Variants in TANC1 observed in about 807,000 individuals in gnomAD.
The protein encoded by TANC1 is tetratricopeptide repeat, ankyrin repeat and coiled-coil containing 1, also known as protein TANC1.
Under a neutral mutation model 149.7 loss-of-function variants are expected in TANC1, and 77 were observed. That is an observed-to-expected ratio of 0.51 (90% CI 0.43 to 0.62). TANC1 has a LOEUF of 0.62. Ranked by LOEUF, TANC1 falls within the 20% of genes least tolerant of loss-of-function variation. The pLI is 0.00. For missense variants in TANC1, 1,985 were observed against 2,321.8 expected (o/e 0.85, Z 2.98); for synonymous variants, 854 against 925.0 (o/e 0.92, Z 1.39).
At position 159,225,003 on chromosome 2, in the gene TANC1, C is replaced by T. The variant is rs749861093; in HGVS notation, c.3811+639C>T. 1.2e-3 allele frequency: 190 copies of T among 157,656 alleles called. 1 individual carries two copies. The highest frequency in any genetic ancestry group is 3.4e-4 in the Non-Finnish European group (24 of 71,234). The allele number at this position is 157,656 out of a possible 1,614,324, so 9.8% of individuals were successfully genotyped here. ...AATGCTATTCACTAATACTGTCAAGCAGTGAATAGTGCCAGGAACTATCCA... is the reference window on the plus strand; with the variant it reads ...AATGCTATTCACTAATACTGTCAAGTAGTGAATAGTGCCAGGAACTATCCA... On this transcript the variant is annotated intron_variant, in intron 23 of 26. Coordinates refer to ENST00000263635, the MANE Select transcript of TANC1 (RefSeq NM_033394.3).
intron 3 of TANC1, among the ~76,000 whole-genome samples, chr2:159,089,673 G>A (rs1036581834): frequency 2.6e-5 from 4 of 152,194 alleles, no homozygotes; most frequent in South Asian, 4.1e-4. Context: ...CAACAGCAGA[G>A]ATGACCAGGA....
chr2:159,134,522 G>C (rs185921384), intron 4 of TANC1, among the ~76,000 whole-genome samples: 1 of 152,004 alleles, frequency 6.6e-6, no homozygotes. Context: ...TTGCTCTGTC[G>C]CCCAGGCTAG....
chr2:159,189,381 G>A (rs2057271739), intron 16 of TANC1, among the ~76,000 whole-genome samples: 1 of 152,198 alleles, frequency 6.6e-6, no homozygotes, highest in South Asian at 2.1e-4. Context: ...GGCATGCAGG[G>A]TGATGTGGAC....
chr2:159,135,473 C>G (rs773268597), intron 4 of TANC1, among the ~76,000 whole-genome samples: 2 of 152,244 alleles, frequency 1.3e-5, no homozygotes, highest in Non-Finnish European at 2.9e-5. Context: ...GAACGACTGC[C>G]AAACTGTTTT....
chr2:159,138,993 T>TG (rs2051073448), intron 5 of TANC1, among the ~76,000 whole-genome samples: 1 of 152,246 alleles, frequency 6.6e-6, no homozygotes, highest in Non-Finnish European at 1.5e-5. Flanking sequence ...TTATGTGTGA[T>TG]GCACGTTTTA....
At chr2:159,082,487 G>T (rs1345068064) in intron 3 of TANC1, among the ~76,000 whole-genome samples, 1 of 151,912 alleles carries the variant, frequency 6.6e-6, no homozygotes, top group Non-Finnish European at 1.5e-5. Context: ...TTGCTTTTCT[G>T]CTCCTTTACA....
At chr2:159,104,981 C>CTTTTTTTTTTTTT (rs146778655) in intron 4 of TANC1, among the ~76,000 whole-genome samples, 1 of 43,342 alleles carries the variant, frequency 2.3e-5, no homozygotes, top group African/African-American at 7.1e-5. Context: ...TGGATATTTG[C>CTTTTTTTTTTTTT]TTTTTTTTTT....
At chr2:159,119,537 G>T (rs2048634625) in intron 4 of TANC1, among the ~76,000 whole-genome samples, 1 of 152,186 alleles carries the variant, frequency 6.6e-6, no homozygotes, top group Admixed American at 6.5e-5. Flanking sequence ...TTAGAGTAAG[G>T]TAAGCAATGA....
At chr2:158,997,441 C>A (rs569810410) in intron 1 of TANC1, among the ~76,000 whole-genome samples, 4 of 152,358 alleles carry the variant, frequency 2.6e-5, no homozygotes, top group South Asian at 2.1e-4. Context: ...TTAGGACACA[C>A]ATGTATTTCC....
chr2:159,163,762 A>G (rs2054289210), intron 8 of TANC1, among the ~76,000 whole-genome samples: 1 of 152,126 alleles, frequency 6.6e-6, no homozygotes, highest in Admixed American at 6.5e-5. Flanking sequence ...AATTCTTTAA[A>G]TCGATTATTT....
At chr2:159,217,028 G>A (rs1185877812) in intron 19 of TANC1, among the ~76,000 whole-genome samples, 1 of 152,180 alleles carries the variant, frequency 6.6e-6, no homozygotes, top group Non-Finnish European at 1.5e-5. Flanking sequence ...TTTAGGCCGG[G>A]CATGGTGGGG....
intron 2 of TANC1, among the ~76,000 whole-genome samples, chr2:159,062,515 A>T (rs935447106): frequency 3.3e-5 from 5 of 152,188 alleles, no homozygotes; most frequent in Non-Finnish European, 5.9e-5. Context: ...GGGAAGTGTG[A>T]TGATGCAGAA....
At chr2:159,048,987 C>A (rs2041274390) in intron 2 of TANC1, among the ~76,000 whole-genome samples, 1 of 152,180 alleles carries the variant, frequency 6.6e-6, no homozygotes, top group Non-Finnish European at 1.5e-5. Flanking sequence ...TGCTGTACCA[C>A]AATGAACTGT....
intron 2 of TANC1, among the ~76,000 whole-genome samples, chr2:159,031,964 A>C (rs1262173236): frequency 6.6e-6 from 1 of 152,246 alleles, no homozygotes; most frequent in East Asian, 1.9e-4. Flanking sequence ...TTGAAAACTT[A>C]ATACCTTTAG....
At position 159,119,361 on chromosome 2, in the gene TANC1, A is replaced by G. The variant is rs552718540; in HGVS notation, c.260-16833A>G. Reference sequence around the variant, plus strand: ...CAGTGGAGGTGGGGGAGTTGGGAAGATGGTTTCATATGACCTGTGGTTGAC... The same window carrying G: ...CAGTGGAGGTGGGGGAGTTGGGAAGGTGGTTTCATATGACCTGTGGTTGAC... On this transcript the variant is annotated intron_variant, in intron 4 of 26. Coordinates refer to ENST00000263635, the MANE Select transcript of TANC1 (RefSeq NM_033394.3). 2.6e-5 allele frequency among the ~76,000 whole-genome samples: 4 copies of G among 152,236 alleles called. No individual in the cohort carries two copies. The East Asian group carries it at 7.7e-4, about 29-fold the overall frequency.
chr2:159,041,104 G>A (rs948978026), intron 2 of TANC1, among the ~76,000 whole-genome samples: 2 of 152,160 alleles, frequency 1.3e-5, no homozygotes, highest in African/African-American at 2.4e-5. Context: ...CTGCAGAACA[G>A]CAAATATTGC....
chr2:159,054,772 C>T (rs759296696), intron 2 of TANC1, among the ~76,000 whole-genome samples: 8 of 152,146 alleles, frequency 5.3e-5, no homozygotes, highest in African/African-American at 9.7e-5. Flanking sequence ...AAGCTTATCA[C>T]GCATACAGTG....
In TANC1 at chr2:159,228,623, A is replaced by C. The variant is rs80131381; in HGVS notation, c.4051-173A>C. 1.5e-3 allele frequency: 940 copies of C among 610,716 alleles called. 11 individuals carry two copies. In the East Asian group the frequency reaches 0.024, roughly 16 times the overall value. 37.8% of individuals were successfully genotyped at this position (610,716 alleles called of 1,614,324 possible). On this transcript the variant is annotated intron_variant, in intron 25 of 26. Transcript: ENST00000263635. ...AGTGGATTCTTCTCCTAATGATATTAATCAACCATCATTATCTCCTCACTT... is the reference window on the plus strand; with the variant it reads ...AGTGGATTCTTCTCCTAATGATATTCATCAACCATCATTATCTCCTCACTT...
intron 4 of TANC1, among the ~76,000 whole-genome samples, chr2:159,120,070 T>C (rs557155981): frequency 6.6e-6 from 1 of 152,340 alleles, no homozygotes; most frequent in Admixed American, 6.5e-5. Context: ...GCCAGCCTTC[T>C]GACCATGTGC....
Sources: gnomAD v4.1 joint callset for allele counts (sites outside exome capture counted in the v4.1 genomes callset) on GRCh38, gnomAD v4.1.1 for gene constraint, MANE v1.5 for transcripts, NCBI Gene and HGNC (gene_info 2026-07-23, HGNC 2026-07-21) for gene names.